Variants in MICAL2 observed in about 807,000 individuals in gnomAD.
MICAL2 encodes [F-actin]-monooxygenase MICAL2.
In MICAL2, 77 loss-of-function variants were observed where a neutral mutation model predicts 127.3. The ratio of observed to expected loss-of-function variants is 0.60; its 90% CI spans 0.50 to 0.73. The LOEUF is 0.73. Ranked by LOEUF, MICAL2 falls within the 30% of genes least tolerant of loss-of-function variation. MICAL2 has a pLI of 0.00. For missense variants in MICAL2, 1,351 were observed against 1,434.4 expected, an observed-to-expected ratio of 0.94 and a Z score of 0.94; for synonymous variants, 570 against 551.1, an observed-to-expected ratio of 1.03 and a Z score of -0.48.
At chr11:12,275,953 C>T (rs576206896), upstream of MICAL2, 1 of 399,122 alleles carries the variant, frequency 2.5e-6, no homozygotes, top group African/African-American at 2.1e-5. Flanking sequence ...TTCATTTGCA[C>T]CATCTCTCTA....
chr11:12,312,908 T>G (rs1483688697), intron 29 of MICAL2, among the ~76,000 whole-genome samples: 1 of 152,088 alleles, frequency 6.6e-6, no homozygotes, highest in East Asian at 1.9e-4. Flanking sequence ...GGCTCACGCC[T>G]GTAATCTCAG....
chr11:12,155,464 A>G (rs1854074050), intron 2 of MICAL2, among the ~76,000 whole-genome samples: 2 of 152,228 alleles, frequency 1.3e-5, no homozygotes. Context: ...ATATACACAT[A>G]CATGTACACA....
At chr11:12,146,433 T>C (rs1334534093) in intron 2 of MICAL2, among the ~76,000 whole-genome samples, 1 of 152,226 alleles carries the variant, frequency 6.6e-6, no homozygotes, top group Non-Finnish European at 1.5e-5. Context: ...AAAGAAGACA[T>C]TTATGCAGAC....
chr11:12,138,274 A>G (rs1400894882), intron 1 of MICAL2, 116 bp from the exon 2 acceptor site: 2 of 152,216 alleles, frequency 1.3e-5, no homozygotes, highest in African/African-American at 4.8e-5. Context: ...TTGCTGGGTG[A>G]AGTGTCCCAC....
intron 32 of MICAL2, among the ~76,000 whole-genome samples, chr11:12,335,787 A>G (rs1239056369): frequency 2.6e-5 from 4 of 151,958 alleles, no homozygotes; most frequent in African/African-American, 4.8e-5. Flanking sequence ...TATTTCTGAG[A>G]GCTCTGTTCT....
chr11:12,249,251 G>A lies in MICAL2; in HGVS notation c.2847+5G>A. 1.3e-6 allele frequency: 2 copies of A among 1,532,176 alleles called. No homozygotes were observed. Among genetic ancestry groups the A allele is most frequent in the Non-Finnish European group, 1.8e-6 (2 of 1,105,698 alleles). The allele number at this position is 1,532,176 out of a possible 1,614,324, so 94.9% of individuals were successfully genotyped here. On this transcript the variant is annotated splice_donor_5th_base_variant and intron_variant, in intron 22 of 27. Transcript: ENST00000683283. ...TTGAGAACAGTGCATCCTCAGGTGA[G>A]TTAGAGCCTCCCTGAACTTCAGCTG...
chr11:12,206,947 A>G (rs1854763957), intron 4 of MICAL2, among the ~76,000 whole-genome samples: 1 of 151,960 alleles, frequency 6.6e-6, no homozygotes, highest in South Asian at 2.1e-4. Flanking sequence ...TTTCCTTGCC[A>G]TAAGGTATTT....
chr11:12,206,887 C>T (rs1854757320), intron 4 of MICAL2, among the ~76,000 whole-genome samples: 1 of 152,140 alleles, frequency 6.6e-6, no homozygotes, highest in African/African-American at 2.4e-5. Context: ...CTGAGTCTTC[C>T]TGCTCCTCCC....
At chr11:12,343,590 A>G (rs1214794368) in intron 32 of MICAL2, among the ~76,000 whole-genome samples, 1 of 152,156 alleles carries the variant, frequency 6.6e-6, no homozygotes, top group African/African-American at 2.4e-5. Context: ...AAAAAATGAC[A>G]TGTAATCCCG....
intron 26 of MICAL2, chr11:12,260,301 T>G (rs968010633): frequency 2.1e-6 from 3 of 1,424,430 alleles, no homozygotes; most frequent in Non-Finnish European, 2.7e-6. Context: ...AGCCAAAGAA[T>G]TTCACATGGG....
chr11:12,261,768 G>C, intron 26 of MICAL2: 1 of 985,472 alleles, frequency 1.0e-6, no homozygotes, highest in Non-Finnish European at 1.2e-6. Flanking sequence ...AACTCTGTGG[G>C]AACTGGCGCC....
chr11:12,161,946 T>C, intron 2 of MICAL2, 133 bp from the exon 3 acceptor site: 1 of 619,308 alleles, frequency 1.6e-6, no homozygotes, highest in South Asian at 2.0e-5. Context: ...ATATTTATGT[T>C]TAGTATTGAA....
intron 1 of MICAL2, among the ~76,000 whole-genome samples, chr11:12,114,759 G>T (rs181421650): frequency 2.0e-5 from 3 of 152,200 alleles, no homozygotes; most frequent in African/African-American, 7.2e-5. Flanking sequence ...TTGCTTACGT[G>T]TGGACGTTTC....
chr11:12,131,781 G>T (rs1851437726), intron 1 of MICAL2, among the ~76,000 whole-genome samples: 1 of 152,142 alleles, frequency 6.6e-6, no homozygotes, highest in Non-Finnish European at 1.5e-5. Flanking sequence ...GTGACTTTGG[G>T]TAAGTGTTTT....
At chr11:12,288,665 C>T (rs182347609), downstream of MICAL2, among the ~76,000 whole-genome samples, 1 of 152,296 alleles carries the variant, frequency 6.6e-6, no homozygotes, top group African/African-American at 2.4e-5. Context: ...GAGGAGGAAC[C>T]CAATCCTTGT....
chr11:12,305,229 G>A (rs1864094903), intron 29 of MICAL2, among the ~76,000 whole-genome samples: 1 of 152,200 alleles, frequency 6.6e-6, no homozygotes, highest in Admixed American at 6.5e-5. Flanking sequence ...TACAATTGTG[G>A]CAGAAGGGGA....
downstream of MICAL2, among the ~76,000 whole-genome samples, chr11:12,268,311 C>T (rs1437511060): frequency 6.6e-6 from 1 of 152,240 alleles, no homozygotes; most frequent in Non-Finnish European, 1.5e-5. Context: ...GTCTGCACAG[C>T]AGCAGGTGGG....
chr11:12,133,653 A>C (rs1367962105), intron 1 of MICAL2, among the ~76,000 whole-genome samples: 1 of 152,176 alleles, frequency 6.6e-6, no homozygotes, highest in Admixed American at 6.5e-5. Context: ...AAAACACGCA[A>C]AGGAGATGAT....
intron 1 of MICAL2, among the ~76,000 whole-genome samples, chr11:12,123,646 C>T (rs73412260): frequency 0.025 from 3,751 of 152,180 alleles, 158 homozygotes; most frequent in African/African-American, 0.086. Flanking sequence ...CGGGAGAGAT[C>T]GTTAGGTTTC....
Sources: gnomAD v4.1 joint callset for allele counts (sites outside exome capture counted in the v4.1 genomes callset) on GRCh38, gnomAD v4.1.1 for gene constraint, MANE v1.5 for transcripts, NCBI Gene and HGNC (gene_info 2026-07-23, HGNC 2026-07-21) for gene names.